Variants in COPB1 observed in about 807,000 individuals in gnomAD.
COPB1 encodes coatomer subunit beta.
A neutral mutation model predicts 108.7 loss-of-function variants in COPB1; 21 were observed. The observed-to-expected ratio is 0.19, with a 90% confidence interval of 0.14 to 0.28. COPB1 has a LOEUF of 0.28. COPB1 is among the 10% of genes least tolerant of loss of function. COPB1 has a pLI of 1.00. For missense variants in COPB1, 919 were observed against 1,141.3 expected, an observed-to-expected ratio of 0.81 and a Z score of 2.81; for synonymous variants, 378 against 386.8, an observed-to-expected ratio of 0.98 and a Z score of 0.27.
rs759555096 is a variant in COPB1, at chr11:14,479,692, T to C, written c.1235A>G (p.Asn412Ser). The change falls in exon 11 of 22, where the codon AAC becomes AGC. Residue 412 changes from asparagine to serine, a missense_variant. By Grantham distance (46) the Asn-to-Ser change is conservative (BLOSUM62 1). Coordinates refer to ENST00000439561, the MANE Select transcript of COPB1 (RefSeq NM_001144061.2). ...GACATCAGCAGCTGCTGCTTCGTTG[T>C]TGTCACTGAGAAATTCCATTAACTA... Reference protein sequence around the residue: ...IPVLMEFLSDNNEAAAADVLE... With the variant: ...IPVLMEFLSDSNEAAAADVLE... 9.4e-6 allele frequency: 15 copies of C among 1,591,300 alleles called. No homozygotes were observed. Among genetic ancestry groups the C allele is most frequent in the Middle Eastern group, 1.7e-4 (1 of 5,930 alleles).
chr11:14,463,628 G>A (rs1306438792), intron 18 of COPB1, among the ~76,000 whole-genome samples: 2 of 152,092 alleles, frequency 1.3e-5, no homozygotes, highest in African/African-American at 4.8e-5. Flanking sequence ...CCTATCTCTA[G>A]TTTAGACCTC....
intron 4 of COPB1, among the ~76,000 whole-genome samples, chr11:14,491,092 C>G (rs911349828): frequency 6.6e-6 from 1 of 151,664 alleles, no homozygotes; most frequent in Non-Finnish European, 1.5e-5. Flanking sequence ...CCAGACAAGG[C>G]TAGAGTGCAG....
chr11:14,463,839 T>C (rs531252425), intron 18 of COPB1, among the ~76,000 whole-genome samples: 1 of 152,302 alleles, frequency 6.6e-6, no homozygotes, highest in Admixed American at 6.5e-5. Context: ...TCCTCTTCAA[T>C]CATTAACCAT....
At chr11:14,493,876 C>A in intron 3 of COPB1, 65 bp from the exon 4 acceptor site, 7 of 1,279,344 alleles carry the variant, frequency 5.5e-6, no homozygotes, top group South Asian at 1.6e-5. Context: ...AATTTTAATG[C>A]AAAACTTTCC....
chr11:14,484,321 T>C (rs1223967222), intron 7 of COPB1, among the ~76,000 whole-genome samples: 1 of 152,078 alleles, frequency 6.6e-6, no homozygotes, highest in Non-Finnish European at 1.5e-5. Flanking sequence ...ATAAAGCCTG[T>C]AGTTTGGTTA....
intron 7 of COPB1, among the ~76,000 whole-genome samples, chr11:14,485,206 G>C (rs999900278): frequency 6.6e-6 from 1 of 152,032 alleles, no homozygotes; most frequent in Non-Finnish European, 1.5e-5. Flanking sequence ...GCCTTGGCTG[G>C]AGTACAGTGG....
Position 14,464,959 on chromosome 11 carries a change from T to C in COPB1, c.2362A>G (p.Asn788Asp). 1.2e-6 allele frequency: 2 copies of C among 1,613,766 alleles called. No homozygotes were observed. The highest frequency in any genetic ancestry group is 1.7e-6 in the Non-Finnish European group (2 of 1,179,858). ...TTTTCTGTTGATGCTACTTTGACGT[T>C]AGCTTTAATATTTGCGAAGTCATGA... ...APHDFANIKA[N>D]VKVASTENGI... The change falls in exon 18 of 22, where the codon AAC becomes GAC. Residue 788 changes from asparagine to aspartate, a missense_variant. Physicochemically the swap from Asn to Asp is conservative, Grantham distance 23 (BLOSUM62 1). This residue lies in a region of COPB1 where 705 missense variants were observed against 817.8 expected (regional missense o/e 0.86). Transcript: ENST00000439561.
intron 4 of COPB1, among the ~76,000 whole-genome samples, chr11:14,492,472 T>C (rs1040026403): frequency 5.9e-5 from 9 of 152,076 alleles, no homozygotes; most frequent in African/African-American, 1.7e-4. Context: ...GCCTCCTGAG[T>C]AGCTAGGACT....
rs898569648 is a variant in COPB1 at position 14,458,645 on chromosome 11, C to A, written c.2689G>T (p.Ala897Ser). The change falls in exon 21 of 22, where the codon GCT (alanine) becomes TCT (serine). Residue 897 changes from alanine (A) to serine (S), a missense_variant. Around this residue, in one of 5 missense-constraint regions of COPB1, gnomAD observed 705 missense variants for 817.8 expected, o/e 0.86. Transcript: ENST00000439561. ...YCGFMAANLY[A>S]RSIFGEDALA... ...GCATCTTCACCAAATATGGAACGAG[C>A]ATAAAGGTTGGCTGCCATAAAGCCA... 3 of 1,612,952 alleles carry A rather than the reference C, an allele frequency of 1.9e-6. No homozygotes were observed. Among genetic ancestry groups the A allele is most frequent in the African/African-American group, 2.7e-5 (2 of 74,754 alleles).
At chr11:14,495,678 T>C (rs1420637219) in intron 2 of COPB1, among the ~76,000 whole-genome samples, 3 of 152,178 alleles carry the variant, frequency 2.0e-5, no homozygotes, top group East Asian at 1.9e-4. Flanking sequence ...CTCTTCTTAA[T>C]GGCAAAAATA....
intron 8 of COPB1, 87 bp from the exon 9 acceptor site, chr11:14,481,184 T>G (rs1850652933): frequency 3.2e-6 from 3 of 937,076 alleles, no homozygotes. Flanking sequence ...GGGGTTTATC[T>G]ATCATCACTT....
intron 6 of COPB1, 44 bp downstream of exon 6, chr11:14,488,448 A>T: frequency 7.9e-7 from 1 of 1,271,686 alleles, no homozygotes; most frequent in Non-Finnish European, 1.1e-6. Context: ...ACCCTGTCTT[A>T]AACTGCTGAG....
chr11:14,465,449 C>T (rs1850264332), intron 17 of COPB1, among the ~76,000 whole-genome samples: 1 of 152,162 alleles, frequency 6.6e-6, no homozygotes, highest in South Asian at 2.1e-4. Context: ...CCTCCTACCT[C>T]AGCCTCCTGA....
At chr11:14,487,475 G>A (rs951156510) in intron 6 of COPB1, among the ~76,000 whole-genome samples, 1 of 152,018 alleles carries the variant, frequency 6.6e-6, no homozygotes, top group Non-Finnish European at 1.5e-5. Flanking sequence ...AGGAGTTTGG[G>A]ACCAGCCTGG....
rs1023801990 is a variant in COPB1, at chr11:14,489,423, T to C, written c.607-839A>G. Among the ~76,000 whole-genome samples the C allele has an allele frequency of 2.8e-4, 42 of 152,236 alleles. 1 individual carries two copies. The highest frequency in any genetic ancestry group is 6.2e-4 in the South Asian group (3 of 4,830). ...AAAGTCTCAAACAGATACGTGTACA[T>C]CTACGTTCACAATAGCATTATTCCT... is the stretch of plus-strand genomic sequence containing the variant. On this transcript the variant is annotated intron_variant, in intron 5 of 21. Coordinates refer to ENST00000439561, the MANE Select transcript of COPB1 (RefSeq NM_001144061.2).
chr11:14,486,615 T>C (rs1850782363), intron 6 of COPB1, 111 bp from the exon 7 acceptor site: 2 of 1,316,136 alleles, frequency 1.5e-6, no homozygotes, highest in Non-Finnish European at 2.1e-6. Flanking sequence ...ATATGAAAGC[T>C]AAGAACAGTC....
At chr11:14,470,957 CTA>C (rs1491266112) in intron 14 of COPB1, among the ~76,000 whole-genome samples, 28,421 of 146,206 alleles carry the variant, frequency 0.19, 3,932 homozygotes, top group African/African-American at 0.4. Context: ...CTCTCTCTCT[CTA>C]CACCCAGGGA....
intron 2 of COPB1, among the ~76,000 whole-genome samples, chr11:14,495,006 T>C (rs1405248900): frequency 6.6e-6 from 1 of 152,224 alleles, no homozygotes; most frequent in Admixed American, 6.5e-5. Context: ...AGAATCTTTC[T>C]TAAGATATCA....
intron 16 of COPB1, 94 bp from the exon 17 acceptor site, chr11:14,466,520 A>C: frequency 7.9e-7 from 1 of 1,266,538 alleles, no homozygotes; most frequent in Non-Finnish European, 1.1e-6. Flanking sequence ...GGTTATTAAC[A>C]GAGTTGCTTA....
Sources: gnomAD v4.1 joint callset for allele counts (sites outside exome capture counted in the v4.1 genomes callset) on GRCh38, gnomAD v4.1.1 for gene constraint, gnomAD v4.1.1 regional missense constraint, MANE v1.5 for transcripts, NCBI Gene and HGNC (gene_info 2026-07-23, HGNC 2026-07-21) for gene names.